TSGA10: variants seen among roughly 807,000 people sequenced by gnomAD.
The protein encoded by TSGA10 is testis-specific gene 10 protein.
In TSGA10, 43 loss-of-function variants were observed where a neutral mutation model predicts 96.6. That is an observed-to-expected ratio of 0.44 (90% CI 0.35 to 0.57). The LOEUF (loss-of-function observed/expected upper bound fraction) is 0.57, where lower values mean the gene tolerates loss of function less well. Among genes scored for constraint, TSGA10 ranks in the 20% least tolerant of loss-of-function variants. The pLI, the probability that TSGA10 is intolerant of heterozygous loss-of-function variation, is 0.01. For missense variants in TSGA10, 703 were observed against 834.4 expected (o/e 0.84, Z 1.94); for synonymous variants, 229 against 269.9 (o/e 0.85, Z 1.48).
intron 16 of TSGA10, among the ~76,000 whole-genome samples, chr2:99,059,788 C>T (rs1391109590): frequency 6.6e-6 from 1 of 151,836 alleles, no homozygotes; most frequent in Non-Finnish European, 1.5e-5. Context: ...GTGGCACGCT[C>T]CTGTATTCCC....
chr2:99,134,417 T>C (rs1351560461), intron 1 of TSGA10, among the ~76,000 whole-genome samples: 1 of 152,146 alleles, frequency 6.6e-6, no homozygotes, highest in Non-Finnish European at 1.5e-5. Flanking sequence ...ACGCTGTGTT[T>C]TTCAGCTCCA....
intron 1 of TSGA10, among the ~76,000 whole-genome samples, chr2:99,140,667 C>A (rs1010190407): frequency 1.3e-5 from 2 of 152,078 alleles, no homozygotes; most frequent in African/African-American, 2.4e-5. Context: ...GTAATCTCAG[C>A]CTTTCACCAC....
At chr2:99,087,074 G>GGCA (rs1553469999) in intron 10 of TSGA10, among the ~76,000 whole-genome samples, 1 of 152,024 alleles carries the variant, frequency 6.6e-6, no homozygotes, top group Non-Finnish European at 1.5e-5. Context: ...TGTGGTGGTG[G>GGCA]GCACCTGTAG....
intron 16 of TSGA10, among the ~76,000 whole-genome samples, chr2:99,061,014 C>G (rs1190978611): frequency 1.3e-5 from 2 of 152,086 alleles, no homozygotes; most frequent in African/African-American, 4.8e-5. Flanking sequence ...AAAGATTTAT[C>G]AGGACATAGA....
chr2:99,074,594 C>T (rs1040968195), intron 12 of TSGA10, among the ~76,000 whole-genome samples: 8 of 152,054 alleles, frequency 5.3e-5, no homozygotes, highest in African/African-American at 1.9e-4. Context: ...GGAATGTTTA[C>T]ACATTTTTGA....
At chr2:99,018,495 T>C in intron 19 of TSGA10, 41 bp downstream of exon 19, 1 of 1,595,354 alleles carries the variant, frequency 6.3e-7, no homozygotes, top group Non-Finnish European at 8.5e-7. Flanking sequence ...CTTTCCATGC[T>C]GAAAAGCATT....
intron 16 of TSGA10, among the ~76,000 whole-genome samples, chr2:99,043,264 T>C (rs2082387361): frequency 6.6e-6 from 1 of 152,014 alleles, no homozygotes; most frequent in African/African-American, 2.4e-5. Flanking sequence ...TCCCAGAGGG[T>C]CTCAGCAGTG....
chr2:99,039,579 C>T (rs1248889254), intron 16 of TSGA10, among the ~76,000 whole-genome samples: 2 of 150,250 alleles, frequency 1.3e-5, no homozygotes, highest in Admixed American at 1.3e-4. Flanking sequence ...TTCTAGATTA[C>T]AAGCAGCAAG....
In TSGA10 at chr2:99,047,327, A is replaced by G. The variant is rs377620317; in HGVS notation, c.1405-11888T>C. Among the ~76,000 whole-genome samples, 9 of 152,312 alleles carry G rather than the reference A, an allele frequency of 5.9e-5. No individual in the cohort carries two copies. The East Asian group carries it at 1.2e-3, about 20-fold the overall frequency. On this transcript the variant is annotated intron_variant, in intron 16 of 20. Coordinates refer to ENST00000393483, the MANE Select transcript of TSGA10 (RefSeq NM_025244.4). ...GAACCTCAATGCAAAAATCCTCAAT[A>G]AAATACTGGCAAACCGAATCCAGCA...
chr2:99,012,065 T>A (rs1558716251), intron 20 of TSGA10, among the ~76,000 whole-genome samples: 1 of 152,308 alleles, frequency 6.6e-6, no homozygotes, highest in East Asian at 1.9e-4. Context: ...GAATTTTGTA[T>A]CCAGCAAAAC....
chr2:99,040,871 A>C (rs562261426), intron 16 of TSGA10, among the ~76,000 whole-genome samples: 48 of 152,196 alleles, frequency 3.2e-4, no homozygotes, highest in Non-Finnish European at 6.6e-4. Context: ...AAATAAAATA[A>C]TAGACACTAG....
chr2:99,104,535 C>T (rs941221298), intron 9 of TSGA10, among the ~76,000 whole-genome samples: 3 of 151,300 alleles, frequency 2.0e-5, no homozygotes, highest in Non-Finnish European at 2.9e-5. Flanking sequence ...AGTGCAGTGG[C>T]GCGATCTCGG....
At chr2:99,099,338 C>T (rs1176809678) in intron 10 of TSGA10, among the ~76,000 whole-genome samples, 3 of 151,824 alleles carry the variant, frequency 2.0e-5, no homozygotes, top group Admixed American at 2.0e-4. Context: ...TAAAATAAAG[C>T]CATAAGAAAG....
intron 10 of TSGA10, among the ~76,000 whole-genome samples, chr2:99,096,579 C>A (rs763759951): frequency 6.6e-6 from 1 of 152,212 alleles, no homozygotes; most frequent in African/African-American, 2.4e-5. Context: ...ATTCCCTTTA[C>A]ATTTGACTCA....
chr2:99,131,296 T>G (rs1006588517), intron 1 of TSGA10, among the ~76,000 whole-genome samples: 15 of 152,334 alleles, frequency 9.8e-5, no homozygotes, highest in African/African-American at 3.6e-4. Context: ...CTCTCTTATT[T>G]CTTTGAGCAG....
intron 2 of TSGA10, among the ~76,000 whole-genome samples, chr2:99,119,423 T>C (rs748605427): frequency 6.6e-6 from 1 of 152,238 alleles, no homozygotes; most frequent in Non-Finnish European, 1.5e-5. Flanking sequence ...ATGCCATTTA[T>C]GATCCAACTC....
At chr2:99,037,882 G>A (rs2081792855) in intron 16 of TSGA10, among the ~76,000 whole-genome samples, 1 of 151,774 alleles carries the variant, frequency 6.6e-6, no homozygotes, top group Admixed American at 6.6e-5. Flanking sequence ...AAACACAAAA[G>A]AAAGAATCTT....
intron 20 of TSGA10, among the ~76,000 whole-genome samples, chr2:99,006,551 T>C (rs995392734): frequency 1.4e-3 from 210 of 152,276 alleles, no homozygotes; most frequent in Non-Finnish European, 2.4e-3. Flanking sequence ...AAAATGCTCA[T>C]CATCACTGGC....
At position 99,098,413 on chromosome 2, in the gene TSGA10, TG is replaced by T. The variant is rs1414588280; in HGVS notation, c.611+5553del. On this transcript the variant is annotated intron_variant, in intron 10 of 20. Coordinates refer to ENST00000393483, the MANE Select transcript of TSGA10 (RefSeq NM_025244.4). ...GAGATCGCACCACTGCACTCCAACC[TG>T]GGTGACAGAGAGAGACTCTGCCTCA... Among the ~76,000 whole-genome samples, 14 of 129,348 alleles carry T rather than the reference TG, an allele frequency of 1.1e-4. No homozygotes were observed. The East Asian group carries it at 3.1e-3, about 28-fold the overall frequency. The allele number at this position is 129,348 out of a possible 152,430, so 84.9% of individuals were successfully genotyped here. A position where few individuals can be genotyped will look rare whatever the true frequency, so the allele number is the denominator to read the frequency against.
Sources: gnomAD v4.1 joint callset for allele counts (sites outside exome capture counted in the v4.1 genomes callset) on GRCh38, gnomAD v4.1.1 for gene constraint, MANE v1.5 for transcripts, NCBI Gene and HGNC (gene_info 2026-07-23, HGNC 2026-07-21) for gene names.